The following CNTNAP5 variants were observed in gnomAD, a reference collection of about 807,000 sequenced individuals.
CNTNAP5 encodes the protein contactin associated protein family member 5.
In CNTNAP5, 72 loss-of-function variants were observed where a neutral mutation model predicts 150.2. The observed-to-expected ratio is 0.48, with a 90% CI of 0.40 to 0.58. The LOEUF (loss-of-function observed/expected upper bound fraction) is 0.58, where lower values mean the gene tolerates loss of function less well. CNTNAP5 is among the 20% of genes least tolerant of loss of function. The pLI is 0.00. For missense variants in CNTNAP5, 1,636 were observed against 1,626.2 expected, an observed-to-expected ratio of 1.01 and a Z score of -0.10; for synonymous variants, 672 against 619.8, an observed-to-expected ratio of 1.08 and a Z score of -1.25.
chr2:124,487,005 C>T (rs558380518), intron 7 of CNTNAP5, among the ~76,000 whole-genome samples: 5 of 152,224 alleles, frequency 3.3e-5, no homozygotes, highest in Admixed American at 1.3e-4. Context: ...TATTCTTTTC[C>T]GCTGAAATTG....
rs756958541 is a variant in CNTNAP5, at chr2:124,434,697, G to C, written c.733+10G>C. On this transcript the variant is annotated intron_variant, in intron 5 of 23. Coordinates refer to ENST00000682447, the MANE Select transcript of CNTNAP5 (RefSeq NM_001367498.1). ...CTACACCTCAATTTGGGTAGGCTCA[G>C]ACTTCCTCTTCCAATGCCAAGGGAT... 2 of 1,599,198 alleles carry C rather than the reference G, an allele frequency of 1.3e-6. No homozygotes were observed. The highest frequency in any genetic ancestry group is 1.7e-6 in the Non-Finnish European group (2 of 1,172,550).
chr2:124,856,057 G>A (rs898762731), intron 19 of CNTNAP5, among the ~76,000 whole-genome samples: 1 of 150,774 alleles, frequency 6.6e-6, no homozygotes, highest in Non-Finnish European at 1.5e-5. Flanking sequence ...TCCTTCTTAT[G>A]GCTGAGTAAT....
chr2:124,544,230 C>T (rs924790438), intron 10 of CNTNAP5, among the ~76,000 whole-genome samples: 2 of 151,922 alleles, frequency 1.3e-5, no homozygotes, highest in Non-Finnish European at 2.9e-5. Flanking sequence ...AGTGCTTGGA[C>T]TAAGGCTAAT....
chr2:124,876,961 C>T (rs1418558701), intron 21 of CNTNAP5, among the ~76,000 whole-genome samples: 3 of 152,174 alleles, frequency 2.0e-5, no homozygotes, highest in Admixed American at 6.6e-5. Flanking sequence ...TTCCCAAACA[C>T]GCATGTCTTA....
chr2:124,640,879 C>T (rs999693496), intron 12 of CNTNAP5, among the ~76,000 whole-genome samples: 12 of 151,904 alleles, frequency 7.9e-5, no homozygotes, highest in African/African-American at 2.7e-4. Flanking sequence ...GTAATCCCAG[C>T]ACTTTGGGAG....
intron 12 of CNTNAP5, among the ~76,000 whole-genome samples, chr2:124,625,113 T>A (rs1032365059): frequency 2.6e-5 from 4 of 152,062 alleles, no homozygotes; most frequent in Non-Finnish European, 4.4e-5. Flanking sequence ...CAAACAGAAT[T>A]CCCCTCTGGC....
At chr2:124,581,638 A>G (rs1414287526) in intron 11 of CNTNAP5, among the ~76,000 whole-genome samples, 4 of 152,170 alleles carry the variant, frequency 2.6e-5, no homozygotes, top group Non-Finnish European at 5.9e-5. Context: ...CTGAAATGGA[A>G]CAAAAAGAGA....
At chr2:124,535,378 C>T (rs1033447798) in intron 10 of CNTNAP5, among the ~76,000 whole-genome samples, 1 of 152,140 alleles carries the variant, frequency 6.6e-6, no homozygotes, top group Non-Finnish European at 1.5e-5. Context: ...AGAGGAGATC[C>T]CATGTGGAGC....
chr2:124,690,256 G>C (rs909402426), intron 13 of CNTNAP5, among the ~76,000 whole-genome samples: 2 of 152,058 alleles, frequency 1.3e-5, no homozygotes, highest in African/African-American at 4.8e-5. Context: ...TTCATTCAGA[G>C]TGCATTTTGA....
intron 1 of CNTNAP5, among the ~76,000 whole-genome samples, chr2:124,130,939 G>A (rs1401147189): frequency 1.3e-5 from 2 of 152,050 alleles, no homozygotes; most frequent in Non-Finnish European, 2.9e-5. Flanking sequence ...AAGAAAGAAG[G>A]TGATACTGTA....
chr2:124,905,096 G>A (rs1424264764), intron 22 of CNTNAP5, among the ~76,000 whole-genome samples: 8 of 145,370 alleles, frequency 5.5e-5, no homozygotes, highest in Non-Finnish European at 1.1e-4. Flanking sequence ...ATAGGCAAAG[G>A]ATGTGAATAG....
At chr2:124,172,563 C>G (rs1039909587) in intron 1 of CNTNAP5, among the ~76,000 whole-genome samples, 1 of 152,148 alleles carries the variant, frequency 6.6e-6, no homozygotes, top group Non-Finnish European at 1.5e-5. Context: ...CAGGCATGCA[C>G]CATCATGCCC....
At chr2:124,671,838 T>G (rs1573537795) in intron 13 of CNTNAP5, among the ~76,000 whole-genome samples, 1 of 151,988 alleles carries the variant, frequency 6.6e-6, no homozygotes, top group Non-Finnish European at 1.5e-5. Flanking sequence ...CAGAGTTTCA[T>G]TATGTTGGCC....
chr2:124,202,632 T>G (rs186940881), intron 1 of CNTNAP5, among the ~76,000 whole-genome samples: 1 of 152,314 alleles, frequency 6.6e-6, no homozygotes, highest in Non-Finnish European at 1.5e-5. Flanking sequence ...GACTCACAGT[T>G]ACACATGGCT....
chr2:124,811,707 G>GGGT (rs1553445026), intron 19 of CNTNAP5, among the ~76,000 whole-genome samples: 3 of 15,710 alleles, frequency 1.9e-4, no homozygotes, highest in African/African-American at 7.0e-4. Context: ...TTTAGGAGGC[G>GGGT]GGGGGGGTGG....
At chr2:124,292,592 A>G (rs183765301) in intron 3 of CNTNAP5, among the ~76,000 whole-genome samples, 62 of 152,264 alleles carry the variant, frequency 4.1e-4, no homozygotes, top group African/African-American at 1.5e-3. Context: ...ATAAACCTCA[A>G]TCTGATCATA....
chr2:124,341,889 G>A (rs556097135), intron 3 of CNTNAP5, among the ~76,000 whole-genome samples: 1 of 152,256 alleles, frequency 6.6e-6, no homozygotes, highest in East Asian at 1.9e-4. Context: ...GTTTTGTCTT[G>A]TAGGGCTTCA....
At chr2:124,453,330 C>T (rs1452514490) in intron 6 of CNTNAP5, among the ~76,000 whole-genome samples, 2 of 151,666 alleles carry the variant, frequency 1.3e-5, no homozygotes, top group African/African-American at 4.9e-5. Flanking sequence ...CCAACAAAGG[C>T]AAAGAAAATA....
chr2:124,281,154 C>T (rs886120895), intron 3 of CNTNAP5, among the ~76,000 whole-genome samples: 1 of 151,934 alleles, frequency 6.6e-6, no homozygotes, highest in African/African-American at 2.4e-5. Flanking sequence ...TATATGAATC[C>T]TCAAAGAATT....
Sources: allele counts gnomAD v4.1 joint callset (sites outside exome capture counted in the v4.1 genomes callset), GRCh38; gene constraint gnomAD v4.1.1; transcripts MANE v1.5; gene names NCBI Gene and HGNC (gene_info 2026-07-23, HGNC 2026-07-21).